SLC38A6: variants seen among roughly 807,000 people sequenced by gnomAD.
The protein encoded by SLC38A6 is solute carrier family 38 member 6, also known as N system amino acid transporter NAT-1.
In SLC38A6, 73 loss-of-function variants were observed where a neutral mutation model predicts 65.0. The ratio of observed to expected loss-of-function variants is 1.12; its 90% CI spans 0.93 to 1.37. The LOEUF is 1.37. Among genes scored for constraint, SLC38A6 ranks in the 40% most tolerant of loss-of-function variants. The probability of loss-of-function intolerance (pLI) is 0.00; values close to 1 mark genes in which losing one functional copy is unlikely to be tolerated. For missense variants in SLC38A6, 561 were observed against 531.1 expected (o/e 1.06, Z -0.55); for synonymous variants, 183 against 178.8 (o/e 1.02, Z -0.19).
chr14:60,989,969 C>T (rs955755783), intron 3 of SLC38A6, among the ~76,000 whole-genome samples: 11 of 152,126 alleles, frequency 7.2e-5, no homozygotes, highest in African/African-American at 2.2e-4. Flanking sequence ...CTCTTAATCT[C>T]CCCATCCTCT....
chr14:61,010,527 A>C lies in SLC38A6; in HGVS notation c.311-5377A>C, dbSNP rs148642316. Among the ~76,000 whole-genome samples, 165 of 152,282 alleles carry C rather than the reference A, an allele frequency of 1.1e-3. No individual in the cohort carries two copies. In the East Asian group the frequency reaches 0.023, roughly 21 times the overall value. On this transcript the variant is annotated intron_variant, in intron 3 of 15. Transcript: ENST00000267488. ...TTTTATGGTTTTAGGTCTAACATTT[A>C]AGTCTTTAATCCATCTTGAATTAAT... is the stretch of plus-strand genomic sequence containing the variant.
At chr14:61,029,374 C>G (rs1216827608) in intron 5 of SLC38A6, among the ~76,000 whole-genome samples, 1 of 152,048 alleles carries the variant, frequency 6.6e-6, no homozygotes, top group Non-Finnish European at 1.5e-5. Context: ...CCAGGCTGGT[C>G]TCGAACTCCT....
At chr14:60,992,163 C>G (rs1270477618) in intron 3 of SLC38A6, among the ~76,000 whole-genome samples, 1 of 152,170 alleles carries the variant, frequency 6.6e-6, no homozygotes. Context: ...TATAGCTTAG[C>G]TACCAAAAAT....
At chr14:61,073,684 A>G (rs1235387495) in intron 15 of SLC38A6, among the ~76,000 whole-genome samples, 1 of 152,166 alleles carries the variant, frequency 6.6e-6, no homozygotes, top group Non-Finnish European at 1.5e-5. Context: ...ATATGCCCAT[A>G]TACCTACCAC....
At chr14:61,010,560 T>G (rs1007351974) in intron 3 of SLC38A6, among the ~76,000 whole-genome samples, 16 of 152,242 alleles carry the variant, frequency 1.1e-4, no homozygotes, top group Admixed American at 1.3e-4. Flanking sequence ...AATTTTTGTA[T>G]AAAGCGTAAG....
intron 4 of SLC38A6, among the ~76,000 whole-genome samples, chr14:61,016,386 A>G (rs1240356599): frequency 6.6e-6 from 1 of 152,204 alleles, no homozygotes; most frequent in Non-Finnish European, 1.5e-5. Flanking sequence ...TAAGAATTGA[A>G]CATTGCTACA....
chr14:61,038,864 A>G (rs1204142594), intron 8 of SLC38A6, among the ~76,000 whole-genome samples: 2 of 152,218 alleles, frequency 1.3e-5, no homozygotes, highest in African/African-American at 2.4e-5. Flanking sequence ...TCTGACTTAT[A>G]TCTTACAGAT....
At chr14:61,063,126 T>G (rs1454361166) in intron 15 of SLC38A6, among the ~76,000 whole-genome samples, 1 of 152,222 alleles carries the variant, frequency 6.6e-6, no homozygotes, top group Non-Finnish European at 1.5e-5. Context: ...TTGTTTGTTT[T>G]AAGAAATCAG....
intron 3 of SLC38A6, chr14:61,002,143 T>C (rs1030123968): frequency 1.3e-5 from 2 of 152,196 alleles, no homozygotes; most frequent in African/African-American, 4.8e-5. Flanking sequence ...ATATGCAATA[T>C]CACATCCTCT....
chr14:61,074,508 A>G lies in SLC38A6; in HGVS notation c.1291-4302A>G, dbSNP rs138765502. ...AAGAGTGATCTCTGTTCCTCTTCCT[A>G]TAAAGCCACTAATCCCATTATGAGG... On this transcript the variant is annotated intron_variant, in intron 15 of 16. Transcript: ENST00000354886. Among the ~76,000 whole-genome samples the G allele has an allele frequency of 5.2e-3, 797 of 152,176 alleles. 7 individuals are homozygous for G. Among genetic ancestry groups the G allele is most frequent in the African/African-American group, 0.018 (756 of 41,506 alleles).
chr14:61,050,157 T>C (rs2042421386), intron 12 of SLC38A6, among the ~76,000 whole-genome samples: 1 of 152,176 alleles, frequency 6.6e-6, no homozygotes, highest in Non-Finnish European at 1.5e-5. Context: ...CGTATTAATA[T>C]TGTTATCATG....
intron 6 of SLC38A6, among the ~76,000 whole-genome samples, chr14:61,033,497 C>A (rs775089935): frequency 6.6e-6 from 1 of 151,980 alleles, no homozygotes; most frequent in Non-Finnish European, 1.5e-5. Flanking sequence ...TCTGTTAGAT[C>A]GTTCTTTATT....
At chr14:61,007,398 G>A (rs1455202373) in intron 3 of SLC38A6, among the ~76,000 whole-genome samples, 1 of 152,194 alleles carries the variant, frequency 6.6e-6, no homozygotes, top group Non-Finnish European at 1.5e-5. Context: ...GTGAGGCCAA[G>A]GTAGGAGGAT....
chr14:61,054,920 G>T (rs943204564), downstream of SLC38A6, among the ~76,000 whole-genome samples: 2 of 152,120 alleles, frequency 1.3e-5, no homozygotes, highest in Non-Finnish European at 1.5e-5. Flanking sequence ...GTGAGAGAGG[G>T]TATCCTCGTC....
In SLC38A6 at chr14:61,046,173, T is replaced by C; in HGVS notation, c.925+6T>C. 1 of 1,543,476 alleles carries C rather than the reference T, an allele frequency of 6.5e-7. No individual in the cohort carries two copies. The highest frequency in any genetic ancestry group is 8.9e-7 in the Non-Finnish European group (1 of 1,120,380). On this transcript the variant is annotated splice_donor_region_variant and intron_variant, in intron 12 of 15. Transcript: ENST00000267488. Reference sequence around the variant, plus strand: ...TGGGTACCTCACTTTTTATGGTAAGTACATTTTAAAATTATAGATGACAAA... The same window carrying C: ...TGGGTACCTCACTTTTTATGGTAAGCACATTTTAAAATTATAGATGACAAA...
intron 3 of SLC38A6, among the ~76,000 whole-genome samples, chr14:60,994,416 A>G (rs2038123953): frequency 6.6e-6 from 1 of 152,036 alleles, no homozygotes; most frequent in South Asian, 2.1e-4. Context: ...GTGGTGCTGC[A>G]TGCCTGTAAT....
chr14:60,981,335 C>A lies in SLC38A6; in HGVS notation c.58C>A (p.Gln20Lys). ...GCGGGGCTGGTATGTCTCTGTCCAG[C>A]AGCCTGAAGAAGCGGAGGCCGAAGA... ...AERGWYVSVQ[Q>K]PEEAEAEELS... The change falls in exon 1 of 16, where the codon CAG (glutamine) becomes AAG (lysine). Residue 20 changes from glutamine (Q) to lysine (K), a missense_variant. Coordinates refer to ENST00000267488, the MANE Select transcript of SLC38A6 (RefSeq NM_153811.3). 1 of 1,610,746 alleles carries A rather than the reference C, an allele frequency of 6.2e-7. No homozygotes were observed.
At chr14:61,007,341 AAGAAC>A (rs1406703228) in intron 3 of SLC38A6, among the ~76,000 whole-genome samples, 2 of 151,424 alleles carry the variant, frequency 1.3e-5, no homozygotes, top group African/African-American at 4.9e-5. Context: ...AATAAAATAA[AAGAAC>A]AGACCAGATG....
chr14:60,998,906 C>A (rs978046582), intron 3 of SLC38A6, among the ~76,000 whole-genome samples: 1 of 152,194 alleles, frequency 6.6e-6, no homozygotes, highest in African/African-American at 2.4e-5. Context: ...TTTCAACTTT[C>A]CCTTAGTTGG....
Sources: gnomAD v4.1 joint callset for allele counts (sites outside exome capture counted in the v4.1 genomes callset) on GRCh38, gnomAD v4.1.1 for gene constraint, MANE v1.5 for transcripts, NCBI Gene and HGNC (gene_info 2026-07-23, HGNC 2026-07-21) for gene names.